RHBDD1: variants seen among roughly 807,000 people sequenced by gnomAD.
The protein encoded by RHBDD1 is rhomboid domain containing 1, also known as rhomboid-related protein 4.
In RHBDD1, 38 loss-of-function variants were observed where a neutral mutation model predicts 36.3. That is an observed-to-expected ratio of 1.05 (90% CI 0.81 to 1.37). RHBDD1 has a LOEUF of 1.37. Among genes scored for constraint, RHBDD1 ranks in the 40% most tolerant of loss-of-function variants. The pLI, the probability that RHBDD1 is intolerant of heterozygous loss-of-function variation, is 0.00. For missense variants in RHBDD1, 393 were observed against 377.6 expected, an observed-to-expected ratio of 1.04 and a Z score of -0.34; for synonymous variants, 151 against 136.5, an observed-to-expected ratio of 1.11 and a Z score of -0.74.
chr2:226,939,243 A>G (rs13405827), intron 8 of RHBDD1, among the ~76,000 whole-genome samples: 1 of 152,072 alleles, frequency 6.6e-6, no homozygotes, highest in African/African-American at 2.4e-5. Flanking sequence ...CTCTCTCACC[A>G]CTCCTATTCA....
intron 3 of RHBDD1, among the ~76,000 whole-genome samples, chr2:226,858,892 T>C (rs1943578245): frequency 6.6e-6 from 1 of 152,190 alleles, no homozygotes; most frequent in African/African-American, 2.4e-5. Flanking sequence ...ATAATTAAAA[T>C]GCTATTTTTT....
chr2:226,813,419 A>T, the RHBDD1 span, among the ~76,000 whole-genome samples: 1 of 152,124 alleles, frequency 6.6e-6, no homozygotes, highest in Non-Finnish European at 1.5e-5. Context: ...GTTTTGGGGG[A>T]TGGCATTATA....
intron 8 of RHBDD1, among the ~76,000 whole-genome samples, chr2:226,977,293 CCTT>C (rs1954781567): frequency 6.6e-6 from 1 of 152,126 alleles, no homozygotes; most frequent in South Asian, 2.1e-4. Flanking sequence ...ACTGCCGCCT[CCTT>C]TTTTTCTGTA....
At chr2:226,817,751 C>A in the RHBDD1 span, among the ~76,000 whole-genome samples, 1 of 152,204 alleles carries the variant, frequency 6.6e-6, no homozygotes, top group African/African-American at 2.4e-5. Flanking sequence ...AAACTCCACT[C>A]ATGTTTATGT....
chr2:226,936,582 G>A (rs1208271106), intron 8 of RHBDD1, among the ~76,000 whole-genome samples: 4 of 152,064 alleles, frequency 2.6e-5, no homozygotes, highest in Non-Finnish European at 5.9e-5. Context: ...CAATAAAAGC[G>A]TAAAGAAAAA....
At chr2:226,951,204 C>T (rs1356895431) in intron 8 of RHBDD1, among the ~76,000 whole-genome samples, 3 of 151,996 alleles carry the variant, frequency 2.0e-5, no homozygotes, top group South Asian at 2.1e-4. Flanking sequence ...TAATGGCTTC[C>T]GTTTAACTAC....
At chr2:226,914,974 T>G (rs577435297) in intron 8 of RHBDD1, among the ~76,000 whole-genome samples, 22 of 152,212 alleles carry the variant, frequency 1.4e-4, no homozygotes, top group Non-Finnish European at 2.9e-4. Flanking sequence ...AAAAATCAAC[T>G]GTTCATTTAA....
chr2:226,936,758 T>C (rs552102559), intron 8 of RHBDD1, among the ~76,000 whole-genome samples: 59 of 152,270 alleles, frequency 3.9e-4, no homozygotes, highest in Middle Eastern at 6.8e-3. Context: ...CCTTCATATG[T>C]GTCAGCATTT....
rs139899984 is a variant in RHBDD1, at chr2:226,912,296, C to T, written c.713-1912C>T. 2.1e-3 allele frequency among the ~76,000 whole-genome samples: 315 copies of T among 152,224 alleles called. 3 individuals carry two copies. The highest frequency in any genetic ancestry group is 7.3e-3 in the African/African-American group (302 of 41,554). ...ACAGCTACTTTGGAAAACATTCTGG[C>T]GATTCCTCAGATAGTTAAACAGAAT... On this transcript the variant is annotated intron_variant, in intron 7 of 8. Transcript: ENST00000392062.
the RHBDD1 span, among the ~76,000 whole-genome samples, chr2:226,822,220 A>C: frequency 6.6e-6 from 1 of 152,238 alleles, no homozygotes; most frequent in Middle Eastern, 3.2e-3. Context: ...CCCACTCTGT[A>C]ATAGCTTGTT....
intron 8 of RHBDD1, among the ~76,000 whole-genome samples, chr2:226,942,061 G>A (rs7565725): frequency 7.9e-5 from 12 of 152,122 alleles, no homozygotes; most frequent in East Asian, 5.8e-4. Context: ...CACTTTTTAC[G>A]TTATACAATA....
chr2:226,914,518 A>G (rs1948760902), intron 8 of RHBDD1, 167 bp downstream of exon 8: 1 of 689,016 alleles, frequency 1.5e-6, no homozygotes, highest in Non-Finnish European at 2.3e-6. Context: ...GTGATGCCAT[A>G]TTCCCAGCAA....
At chr2:226,923,121 G>A (rs907762370) in intron 8 of RHBDD1, among the ~76,000 whole-genome samples, 1 of 152,110 alleles carries the variant, frequency 6.6e-6, no homozygotes, top group African/African-American at 2.4e-5. Flanking sequence ...CAGTGAATTT[G>A]TACCTTCAGA....
intron 8 of RHBDD1, among the ~76,000 whole-genome samples, chr2:226,943,443 C>T (rs1950787956): frequency 2.0e-5 from 3 of 152,100 alleles, no homozygotes; most frequent in African/African-American, 7.2e-5. Context: ...CAGAACAATC[C>T]AAAGCCCAGT....
intron 5 of RHBDD1, among the ~76,000 whole-genome samples, chr2:226,877,535 ATG>A (rs1945340208): frequency 6.7e-6 from 1 of 149,700 alleles, no homozygotes; most frequent in Admixed American, 6.6e-5. Context: ...TTTTTAGAAA[ATG>A]TGAGCCATTT....
Position 226,893,703 on chromosome 2 carries a change from G to A in RHBDD1, c.567-13090G>A, listed in dbSNP as rs367654481. 3.7e-4 allele frequency among the ~76,000 whole-genome samples: 57 copies of A among 152,300 alleles called. 1 individual carries two copies. In the Middle Eastern group the frequency reaches 0.01, roughly 27 times the overall value. On this transcript the variant is annotated intron_variant, in intron 5 of 8. Coordinates refer to ENST00000392062, the MANE Select transcript of RHBDD1 (RefSeq NM_001167608.3). ...CTGGGATGGGTGGCTTTGTCCCCAGGAGGGATTTTGGAAATTTGCAGGGTT... is the reference window on the plus strand; with the variant it reads ...CTGGGATGGGTGGCTTTGTCCCCAGAAGGGATTTTGGAAATTTGCAGGGTT...
the RHBDD1 span, among the ~76,000 whole-genome samples, chr2:226,820,665 A>G: frequency 1.3e-4 from 19 of 151,072 alleles, no homozygotes; most frequent in South Asian, 1.3e-3. Flanking sequence ...AAAAAAAAAA[A>G]AAAAGAAAAA....
chr2:226,817,624 G>T, the RHBDD1 span, among the ~76,000 whole-genome samples: 1 of 152,224 alleles, frequency 6.6e-6, no homozygotes, highest in Non-Finnish European at 1.5e-5. Flanking sequence ...GGGATCCAAA[G>T]GATCCCAAAT....
rs749652821 is a variant in RHBDD1, at chr2:226,867,265, G to T, written c.513G>T (p.Pro171=). Residue 171 remains proline, a synonymous_variant, in exon 5 of 9, where the codon CCG becomes CCT. Coordinates refer to ENST00000392062, the MANE Select transcript of RHBDD1 (RefSeq NM_001167608.3). Reference sequence around the variant, plus strand: ...TCAACATTTTGGGCTTTCCTGTACCGAACAGATTTGCTTGTTGGGTCGAAC... The same window carrying T: ...TCAACATTTTGGGCTTTCCTGTACCTAACAGATTTGCTTGTTGGGTCGAAC... ...GFVNILGFPV[P]NRFACWVELV... is the part of the protein sequence containing the mutation. 1 of 1,613,476 alleles carries T rather than the reference G, an allele frequency of 6.2e-7. No individual in the cohort carries two copies.
Sources: allele counts gnomAD v4.1 joint callset (sites outside exome capture counted in the v4.1 genomes callset), GRCh38; gene constraint gnomAD v4.1.1; transcripts MANE v1.5; gene names NCBI Gene and HGNC (gene_info 2026-07-23, HGNC 2026-07-21).